EIF4E3: variants seen among roughly 807,000 people sequenced by gnomAD.
EIF4E3 encodes the protein eukaryotic translation initiation factor 4E family member 3, also known as eukaryotic translation initiation factor 4E type 3.
In EIF4E3, 26 loss-of-function variants were observed where a neutral mutation model predicts 31.7. The ratio of observed to expected loss-of-function variants is 0.82; its 90% CI spans 0.60 to 1.14. EIF4E3 has a LOEUF of 1.14. Among genes scored for constraint, EIF4E3 ranks in the 50% most tolerant of loss-of-function variants. The pLI, the probability that EIF4E3 is intolerant of heterozygous loss-of-function variation, is 0.00. For missense variants in EIF4E3, 304 were observed against 270.9 expected (o/e 1.12, Z -0.86); for synonymous variants, 128 against 107.7 (o/e 1.19, Z -1.17).
At position 71,725,315 on chromosome 3, in the gene EIF4E3, C is replaced by T. The variant is rs2049617732; in HGVS notation, c.53G>A (p.Gly18Glu). Residue 18 changes from glycine to glutamate, a missense_variant, in exon 1 of 7, where the codon GGG (glycine) becomes GAG (glutamate). Coordinates refer to ENST00000425534, the MANE Select transcript of EIF4E3 (RefSeq NM_001134651.2). The surrounding 1 kb of genome is among the most constrained non-coding windows in gnomAD (Gnocchi z 6.1). ...GGCGGCAGCGGCGGCGGCGCGGGACCCCGGCGGCTCCCGGGCCCCGGCGGG... is the reference window on the plus strand; with the variant it reads ...GGCGGCAGCGGCGGCGGCGCGGGACTCCGGCGGCTCCCGGGCCCCGGCGGG... ...APPAGAREPP[G>E]SRAAAAAAAP... is the part of the protein sequence containing the mutation. 2 of 973,362 alleles carry T rather than the reference C, an allele frequency of 2.1e-6. No homozygotes were observed. The highest frequency in any genetic ancestry group is 4.6e-5 in the South Asian group (1 of 21,862). 60.3% of individuals were successfully genotyped at this position (973,362 alleles called of 1,614,324 possible).
At chr3:71,727,822 C>T (rs1484172861), upstream of EIF4E3, among the ~76,000 whole-genome samples, 2 of 152,150 alleles carry the variant, frequency 1.3e-5, no homozygotes, top group African/African-American at 2.4e-5. Flanking sequence ...TAGCTCCTTC[C>T]TTATGTCCTT....
chr3:71,696,693 T>C (rs2108039278), intron 3 of EIF4E3, among the ~76,000 whole-genome samples, 173 bp from the exon 4 acceptor site: 1 of 152,160 alleles, frequency 6.6e-6, no homozygotes, highest in East Asian at 1.9e-4. Context: ...ACATAATAGT[T>C]GCACATATTT....
chr3:71,677,083 C>A lies in EIF4E3; in HGVS notation c.*7599G>T, dbSNP rs1293822813. 1 of 152,134 alleles carries A rather than the reference C, an allele frequency of 6.6e-6. No individual in the cohort carries two copies. Among genetic ancestry groups the A allele is most frequent in the Non-Finnish European group, 1.5e-5 (1 of 68,024 alleles). The allele number at this position is 152,134 out of a possible 1,614,324, so 9.4% of individuals were successfully genotyped here. A position where few individuals can be genotyped will look rare whatever the true frequency, so the allele number is the denominator to read the frequency against. The stretch of plus-strand genomic sequence containing the variant: ...AGCCCTGCCATCTGTACAAATGGTA[C>A]CAGAGTTCAACATGCTTACGATTAT... On this transcript the variant is annotated 3_prime_UTR_variant, in exon 7 of 7. Transcript: ENST00000425534.
chr3:71,745,932 G>A (rs773189593), intron 1 of EIF4E3, among the ~76,000 whole-genome samples: 1 of 152,160 alleles, frequency 6.6e-6, no homozygotes, highest in African/African-American at 2.4e-5. Flanking sequence ...TAACATGTTA[G>A]TGTAGACTCC....
At chr3:71,695,397 C>T (rs953138885) in intron 4 of EIF4E3, among the ~76,000 whole-genome samples, 5 of 152,174 alleles carry the variant, frequency 3.3e-5, no homozygotes, top group African/African-American at 1.2e-4. Context: ...TGCCTTTCAG[C>T]CGCTTTTCAA....
At chr3:71,729,181 G>A (rs2049675307), upstream of EIF4E3, 1 of 152,214 alleles carries the variant, frequency 6.6e-6, no homozygotes, top group Admixed American at 6.5e-5. Flanking sequence ...AGCAACAAGT[G>A]GTCCTCTCTC....
intron 1 of EIF4E3, among the ~76,000 whole-genome samples, chr3:71,714,829 C>T (rs1312064265): frequency 6.6e-6 from 1 of 152,158 alleles, no homozygotes; most frequent in African/African-American, 2.4e-5. Flanking sequence ...ACACTGAAGC[C>T]TGGGCAGCCG....
chr3:71,672,339 GCTCTT>G (rs2048850830), downstream of EIF4E3, among the ~76,000 whole-genome samples: 3 of 152,070 alleles, frequency 2.0e-5, no homozygotes, highest in Admixed American at 1.3e-4. Context: ...TGGAAACTTT[GCTCTT>G]GAGAAAAGGT....
chr3:71,697,526 T>C (rs1019797787), intron 3 of EIF4E3, among the ~76,000 whole-genome samples: 1 of 152,166 alleles, frequency 6.6e-6, no homozygotes, highest in Non-Finnish European at 1.5e-5. Flanking sequence ...ATTCTAACTG[T>C]ATTTTTGTAC....
chr3:71,752,849 A>G (rs1226539238), intron 1 of EIF4E3, among the ~76,000 whole-genome samples: 1 of 152,238 alleles, frequency 6.6e-6, no homozygotes, highest in South Asian at 2.1e-4. Flanking sequence ...CAGAGGTACC[A>G]GCACATGCAA....
chr3:71,684,700 A>G lies in EIF4E3; in HGVS notation c.657T>C (p.Gly219=). ...KPHEEHHAFE[G]GRGKH ...AGTGCAATTAGTGTTTTCCACGTCCACCTTCAAAAGCATGATGCTCTTCAT... is the reference window on the plus strand; with the variant it reads ...AGTGCAATTAGTGTTTTCCACGTCCGCCTTCAAAAGCATGATGCTCTTCAT... The change falls in exon 7 of 7, where the codon GGT becomes GGC. Residue 219 remains glycine (G), a synonymous_variant. Coordinates refer to ENST00000425534, the MANE Select transcript of EIF4E3 (RefSeq NM_001134651.2). 1 of 1,614,098 alleles carries G rather than the reference A, an allele frequency of 6.2e-7. No homozygotes were observed. Among genetic ancestry groups the G allele is most frequent in the Non-Finnish European group, 8.5e-7 (1 of 1,179,974 alleles).
chr3:71,661,864 A>G, the EIF4E3 span, among the ~76,000 whole-genome samples: 1 of 152,182 alleles, frequency 6.6e-6, no homozygotes, highest in Non-Finnish European at 1.5e-5. Flanking sequence ...TAGGTGCTCA[A>G]TAAGTATACA....
chr3:71,693,902 C>T lies in EIF4E3; in HGVS notation c.445G>A (p.Glu149Lys). The change falls in exon 5 of 7, where the codon GAA becomes AAA. Residue 149 changes from glutamate to lysine, a missense_variant. Transcript: ENST00000425534. ...GCTGCGGCACAGTCTGTGAACTGTT[C>T]CCCGATGGTTGCTAACAGCAACTCT... ...WKELLLATIGEQFTDCAAADD... is the reference protein window; with the variant it reads ...WKELLLATIGKQFTDCAAADD... 2 of 1,585,234 alleles carry T rather than the reference C, an allele frequency of 1.3e-6. No individual in the cohort carries two copies. Among genetic ancestry groups the T allele is most frequent in the Non-Finnish European group, 1.7e-6 (2 of 1,165,548 alleles).
At chr3:71,736,316 A>G (rs1037989963) in intron 1 of EIF4E3, among the ~76,000 whole-genome samples, 2 of 152,212 alleles carry the variant, frequency 1.3e-5, no homozygotes, top group Non-Finnish European at 2.9e-5. Context: ...TACCCAATTG[A>G]GCTGAAAATT....
intron 1 of EIF4E3, among the ~76,000 whole-genome samples, chr3:71,751,750 C>T (rs1380502205): frequency 1.3e-5 from 2 of 152,146 alleles, no homozygotes; most frequent in African/African-American, 4.8e-5. Context: ...AATATTGCTG[C>T]TCTTTTCCCT....
Position 71,678,522 on chromosome 3 carries a change from T to G in EIF4E3, c.*6160A>C, listed in dbSNP as rs1559582620. 1 of 152,168 alleles carries G rather than the reference T, an allele frequency of 6.6e-6. No individual in the cohort carries two copies. The allele number at this position is 152,168 out of a possible 1,614,324, so 9.4% of individuals were successfully genotyped here. The stretch of plus-strand genomic sequence containing the variant: ...AAAGGCTGGAATAAAAAATACTGAC[T>G]TATAGAAGCAACTTTCACATGTATC... On this transcript the variant is annotated 3_prime_UTR_variant, in exon 7 of 7. Transcript: ENST00000425534.
At chr3:71,712,644 G>GGGGGGGGGC (rs35405190) in intron 1 of EIF4E3, among the ~76,000 whole-genome samples, 2 of 123,986 alleles carry the variant, frequency 1.6e-5, no homozygotes, top group Admixed American at 8.2e-5. Flanking sequence ...GTGGGCGGGG[G>GGGGGGGGGC]AGATTCTAGG....
At chr3:71,663,976 G>T in the EIF4E3 span, among the ~76,000 whole-genome samples, 6 of 152,278 alleles carry the variant, frequency 3.9e-5, no homozygotes, top group African/African-American at 1.4e-4. Flanking sequence ...GCAGGGAGAG[G>T]GAGGGAGAAG....
the EIF4E3 span, among the ~76,000 whole-genome samples, chr3:71,666,494 C>T: frequency 1.3e-5 from 2 of 152,180 alleles, no homozygotes; most frequent in African/African-American, 4.8e-5. Context: ...GATGGATTCA[C>T]AGCTGAATTC....
Sources: allele counts gnomAD v4.1 joint callset (sites outside exome capture counted in the v4.1 genomes callset), GRCh38; gene constraint gnomAD v4.1.1; non-coding constraint Gnocchi (gnomAD v3.1); transcripts MANE v1.5; gene names NCBI Gene and HGNC (gene_info 2026-07-23, HGNC 2026-07-21).